PEX5L: variants seen among roughly 807,000 people sequenced by gnomAD.
The protein encoded by PEX5L is peroxisomal biogenesis factor 5 like.
In PEX5L, 30 loss-of-function variants were observed where a neutral mutation model predicts 84.0. That is an observed-to-expected ratio of 0.36 (90% CI 0.27 to 0.48). PEX5L has a LOEUF of 0.48. Among genes scored for constraint, PEX5L ranks in the 20% least tolerant of loss-of-function variants. The pLI, the probability that PEX5L is intolerant of heterozygous loss-of-function variation, is 0.99. For missense variants in PEX5L, 533 were observed against 754.6 expected (o/e 0.71, Z 3.44); for synonymous variants, 270 against 283.1 (o/e 0.95, Z 0.46).
chr3:179,887,808 T>A (rs772218788), intron 3 of PEX5L, 24 bp from the exon 4 acceptor site: 29 of 1,497,634 alleles, frequency 1.9e-5, no homozygotes, highest in Non-Finnish European at 2.7e-5. Flanking sequence ...AACAGAGGTG[T>A]CAAAGGGCTT....
At chr3:180,001,263 G>C (rs1179205303) in intron 1 of PEX5L, among the ~76,000 whole-genome samples, 1 of 151,202 alleles carries the variant, frequency 6.6e-6, no homozygotes, top group Non-Finnish European at 1.5e-5. Context: ...CTTGCAGATG[G>C]CCAATTGTGG....
intron 7 of PEX5L, among the ~76,000 whole-genome samples, chr3:179,871,454 A>G (rs191478852): frequency 6.6e-6 from 1 of 152,272 alleles, no homozygotes; most frequent in Non-Finnish European, 1.5e-5. Context: ...TCATGATTTT[A>G]TCTATATAAA....
chr3:179,917,491 C>G (rs1366597705), intron 2 of PEX5L, among the ~76,000 whole-genome samples: 3 of 152,124 alleles, frequency 2.0e-5, no homozygotes, highest in Non-Finnish European at 4.4e-5. Context: ...ATACATCTGG[C>G]AGCACAGTAA....
intron 1 of PEX5L, 51 bp from the exon 2 acceptor site, chr3:179,971,716 T>G: frequency 6.8e-7 from 1 of 1,474,092 alleles, no homozygotes. Flanking sequence ...CCATTAACAA[T>G]CTTAATTCTA....
At chr3:180,009,572 T>C (rs1263592228) in intron 1 of PEX5L, among the ~76,000 whole-genome samples, 1 of 147,600 alleles carries the variant, frequency 6.8e-6, no homozygotes, top group Non-Finnish European at 1.5e-5. Context: ...AATTTTTTTC[T>C]TTTCTTTTTT....
intron 8 of PEX5L, among the ~76,000 whole-genome samples, chr3:179,837,288 C>T (rs1044972826): frequency 2.0e-5 from 3 of 152,082 alleles, no homozygotes; most frequent in African/African-American, 4.8e-5. Context: ...TACCTGATGC[C>T]GTAACTGAGA....
At chr3:179,873,614 T>G (rs1204080520) in intron 7 of PEX5L, among the ~76,000 whole-genome samples, 1 of 152,150 alleles carries the variant, frequency 6.6e-6, no homozygotes, top group African/African-American at 2.4e-5. Context: ...AAACTGGACT[T>G]AAGGTTCAAG....
chr3:179,804,870 G>A (rs1193059534), intron 14 of PEX5L, among the ~76,000 whole-genome samples: 17 of 152,062 alleles, frequency 1.1e-4, no homozygotes, highest in African/African-American at 4.1e-4. Flanking sequence ...TGTAATCCCC[G>A]CACTTTGGGA....
chr3:180,031,654 TA>T (rs1791480779), intron 1 of PEX5L, among the ~76,000 whole-genome samples: 1 of 152,210 alleles, frequency 6.6e-6, no homozygotes, highest in South Asian at 2.1e-4. Context: ...GGTTATCCTA[TA>T]AATGTATCAA....
chr3:180,034,941 G>T (rs559140878), intron 1 of PEX5L, among the ~76,000 whole-genome samples: 1 of 152,236 alleles, frequency 6.6e-6, no homozygotes, highest in East Asian at 1.9e-4. Context: ...TCTCCTTTGA[G>T]ATATTGAGAA....
At chr3:179,987,314 C>T (rs997152873) in intron 1 of PEX5L, among the ~76,000 whole-genome samples, 3 of 151,222 alleles carry the variant, frequency 2.0e-5, no homozygotes, top group African/African-American at 7.3e-5. Context: ...CCCTCCCTCC[C>T]TCTCTCCCTC....
intron 2 of PEX5L, among the ~76,000 whole-genome samples, chr3:179,953,791 C>T (rs943472144): frequency 2.6e-5 from 4 of 151,870 alleles, no homozygotes; most frequent in Admixed American, 6.6e-5. Context: ...ACAGCCTCGC[C>T]GATGGATGAA....
rs76872092 is a variant in PEX5L at position 179,884,168 on chromosome 3, C to T, written c.310+3505G>A. 6.9e-3 allele frequency among the ~76,000 whole-genome samples: 1,055 copies of T among 152,224 alleles called. 11 individuals are homozygous for T. The highest frequency in any genetic ancestry group is 0.025 in the African/African-American group (1,020 of 41,506). On this transcript the variant is annotated intron_variant, in intron 4 of 14. Coordinates refer to ENST00000467460, the MANE Select transcript of PEX5L (RefSeq NM_016559.3). Reference sequence around the variant, plus strand: ...CACAGCTGGTGTGGTAGAAAAACGCCCCCCTCTAATATGGCCACATTCTAA... The same window carrying T: ...CACAGCTGGTGTGGTAGAAAAACGCTCCCCTCTAATATGGCCACATTCTAA...
intron 8 of PEX5L, among the ~76,000 whole-genome samples, chr3:179,850,451 T>C (rs1362379001): frequency 1.3e-5 from 2 of 152,174 alleles, no homozygotes; most frequent in Admixed American, 1.3e-4. Flanking sequence ...ACTTTTATCC[T>C]TACCATCTCT....
At chr3:179,985,320 T>C (rs967434454) in intron 1 of PEX5L, among the ~76,000 whole-genome samples, 1 of 152,214 alleles carries the variant, frequency 6.6e-6, no homozygotes, top group African/African-American at 2.4e-5. Flanking sequence ...TGAAAGGTCA[T>C]CTCGGTCACT....
intron 1 of PEX5L, among the ~76,000 whole-genome samples, chr3:180,002,346 C>A (rs1218831311): frequency 6.6e-6 from 1 of 152,032 alleles, no homozygotes; most frequent in Non-Finnish European, 1.5e-5. Context: ...GCCACACAAG[C>A]CTTTCTTAGT....
chr3:179,982,314 T>C (rs909093774), intron 1 of PEX5L, among the ~76,000 whole-genome samples: 2 of 152,182 alleles, frequency 1.3e-5, no homozygotes, highest in African/African-American at 4.8e-5. Flanking sequence ...TTGAAGTATG[T>C]TCAATTACAT....
rs532078544 is a variant in PEX5L at position 179,988,363 on chromosome 3, T to C, written c.22-16698A>G. On this transcript the variant is annotated intron_variant, in intron 1 of 14. Coordinates refer to ENST00000467460, the MANE Select transcript of PEX5L (RefSeq NM_016559.3). ...TTGCAGTGAACTGAGATCATGCCAC[T>C]GGGCGACAGAGTGAAAATCTGCCTC... Among the ~76,000 whole-genome samples, 9 of 150,908 alleles carry C rather than the reference T, an allele frequency of 6.0e-5. No homozygotes were observed. The East Asian group carries it at 1.7e-3, about 29-fold the overall frequency.
intron 4 of PEX5L, among the ~76,000 whole-genome samples, chr3:179,887,322 A>G (rs543502344): frequency 2.9e-4 from 43 of 147,714 alleles, no homozygotes; most frequent in Non-Finnish European, 5.3e-4. Context: ...TATTTCCAGA[A>G]ATAATTGGAC....
Sources: allele counts gnomAD v4.1 joint callset (sites outside exome capture counted in the v4.1 genomes callset), GRCh38; gene constraint gnomAD v4.1.1; transcripts MANE v1.5; gene names NCBI Gene and HGNC (gene_info 2026-07-23, HGNC 2026-07-21).